CR1: variants seen among roughly 807,000 people sequenced by gnomAD.
The protein encoded by CR1 is complement C3b/C4b receptor 1 (Knops blood group), also known as complement receptor type 1.
CR1 carries 116 observed loss-of-function variants against 187.3 expected under a neutral mutation model. The ratio of observed to expected loss-of-function variants is 0.62; its 90% CI spans 0.53 to 0.72. The LOEUF (loss-of-function observed/expected upper bound fraction) is 0.72. CR1 is among the 30% of genes least tolerant of loss of function. CR1 has a pLI of 0.00. For missense variants in CR1, 1,731 were observed against 2,110.7 expected (o/e 0.82, Z 3.52); for synonymous variants, 576 against 747.1 (o/e 0.77, Z 3.73).
In CR1 at chr1:207,609,270, C is replaced by T. The variant is rs1661838499; in HGVS notation, c.5897-20C>T. 2 of 1,541,656 alleles carry T rather than the reference C, an allele frequency of 1.3e-6. No individual in the cohort carries two copies. The highest frequency in any genetic ancestry group is 2.3e-5 in the East Asian group (1 of 43,286). On this transcript the variant is annotated intron_variant, in intron 36 of 46. Transcript: ENST00000367049. The stretch of plus-strand genomic sequence containing the variant: ...ATTATTAAAAAATAAGCTGTTTTAC[C>T]ATACTCTTCCTTCTCTCAGTCATAT...
At chr1:207,610,887 G>A (rs1661907292) in intron 37 of CR1, among the ~76,000 whole-genome samples, 1 of 152,018 alleles carries the variant, frequency 6.6e-6, no homozygotes, top group African/African-American at 2.4e-5. Flanking sequence ...AAATAATCAT[G>A]GAGAATGAGG....
chr1:207,621,809 G>A (rs1029137066), intron 43 of CR1, among the ~76,000 whole-genome samples, 164 bp from the exon 44 acceptor site: 6 of 152,126 alleles, frequency 3.9e-5, no homozygotes, highest in African/African-American at 1.4e-4. Flanking sequence ...GAGTGCAGAA[G>A]GTAAAATGAG....
intron 35 of CR1, among the ~76,000 whole-genome samples, chr1:207,603,949 GA>G (rs1661678138): frequency 6.6e-6 from 1 of 152,160 alleles, no homozygotes; most frequent in African/African-American, 2.4e-5. Flanking sequence ...AGATTTGAGT[GA>G]AAGGCTATGC....
intron 45 of CR1, among the ~76,000 whole-genome samples, chr1:207,629,879 T>C (rs1261424998): frequency 2.6e-5 from 4 of 152,220 alleles, no homozygotes; most frequent in Non-Finnish European, 5.9e-5. Context: ...CCTCAGTAAA[T>C]TTCATTTTCC....
chr1:207,564,083 T>A, intron 22 of CR1, 43 bp downstream of exon 22: 1 of 1,532,634 alleles, frequency 6.5e-7, no homozygotes, highest in East Asian at 2.3e-5. Flanking sequence ...AGCTTGCGTC[T>A]TTATTCTCCA....
intron 43 of CR1, among the ~76,000 whole-genome samples, chr1:207,620,748 G>A (rs1326258934): frequency 6.6e-6 from 1 of 152,070 alleles, no homozygotes; most frequent in Non-Finnish European, 1.5e-5. Flanking sequence ...TTATCAGCTT[G>A]ACACTCCCTT....
chr1:207,615,709 A>G (rs1662072189), intron 40 of CR1, among the ~76,000 whole-genome samples: 1 of 152,202 alleles, frequency 6.6e-6, no homozygotes, highest in Non-Finnish European at 1.5e-5. Flanking sequence ...TATGGTGAGT[A>G]TTATGGTGAA....
chr1:207,601,340 A>G (rs1661599465), intron 35 of CR1, among the ~76,000 whole-genome samples: 1 of 152,184 alleles, frequency 6.6e-6, no homozygotes, highest in Non-Finnish European at 1.5e-5. Context: ...CAGAAGAAAA[A>G]TACAATTTAC....
intron 1 of CR1, among the ~76,000 whole-genome samples, chr1:207,498,806 A>G (rs1659169224): frequency 7.6e-6 from 1 of 131,928 alleles, no homozygotes. Flanking sequence ...TGAACCTGGG[A>G]GGCGGAGGTT....
In CR1 at chr1:207,609,476, G is replaced by T; in HGVS notation, c.6083G>T (p.Trp2028Leu). ...AGCAAAGATGATCAAGTTGGTGTTT[G>T]GAGCAGCCCTCCCCCTCGGTGTATT... ...CTSKDDQVGVWSSPPPRCIST... is the reference protein window; with the variant it reads ...CTSKDDQVGVLSSPPPRCIST... Residue 2028 changes from tryptophan (W) to leucine (L), a missense_variant, in exon 37 of 47, where the codon TGG becomes TTG. By Grantham distance (61) the Trp-to-Leu change is moderately conservative. This residue lies in a region of CR1 where 1,312 missense variants were observed against 1,379.6 expected (regional missense o/e 0.95). Coordinates refer to ENST00000367049, the MANE Select transcript of CR1 (RefSeq NM_000651.6). The T allele has an allele frequency of 6.2e-7, 1 of 1,614,010 alleles. No homozygotes were observed. The highest frequency in any genetic ancestry group is 8.5e-7 in the Non-Finnish European group (1 of 1,179,886).
In CR1 at chr1:207,496,379, G is replaced by T; in HGVS notation, c.112G>T (p.Val38Leu). 6.2e-7 allele frequency: 1 copy of T among 1,609,980 alleles called. No individual in the cohort carries two copies. The highest frequency in any genetic ancestry group is 8.5e-7 in the Non-Finnish European group (1 of 1,178,620). ...LAVVVLLALP[V>L]AWGQCNAPEW... ...GGTTGTGGTGCTGCTTGCGCTGCCGGTGGCCTGGGGTGAGAGGCGGGCGGG... is the reference window on the plus strand; with the variant it reads ...GGTTGTGGTGCTGCTTGCGCTGCCGTTGGCCTGGGGTGAGAGGCGGGCGGG... Residue 38 changes from valine to leucine, a missense_variant, in exon 1 of 47, where the codon GTG (valine) becomes TTG (leucine). Physicochemically the swap from Val to Leu is conservative, Grantham distance 32 (BLOSUM62 1). This residue lies in a region of CR1 where 237 missense variants were observed against 240.4 expected (regional missense o/e 0.99). Transcript: ENST00000367049.
chr1:207,609,847 A>G (rs1296736785), intron 37 of CR1, among the ~76,000 whole-genome samples, 159 bp downstream of exon 37: 1 of 152,222 alleles, frequency 6.6e-6, no homozygotes, highest in Non-Finnish European at 1.5e-5. Context: ...TCTCAAAGTA[A>G]TGGCTTATTC....
intron 46 of CR1, among the ~76,000 whole-genome samples, chr1:207,634,561 T>C (rs1166414240): frequency 2.0e-5 from 3 of 151,946 alleles, no homozygotes; most frequent in Non-Finnish European, 4.4e-5. Context: ...TGCTGGGAAG[T>C]CCTGTGAAAT....
At chr1:207,514,071 C>T (rs78608133) in intron 4 of CR1, among the ~76,000 whole-genome samples, 2,337 of 152,082 alleles carry the variant, frequency 0.015, 69 homozygotes, top group African/African-American at 0.054. Context: ...ACTTTAGTTA[C>T]ATATATTGAT....
intron 35 of CR1, among the ~76,000 whole-genome samples, chr1:207,604,093 T>C (rs753007470): frequency 6.6e-6 from 1 of 152,176 alleles, no homozygotes; most frequent in Non-Finnish European, 1.5e-5. Context: ...AATTTGCCAA[T>C]CTAATGGGCA....
intron 37 of CR1, among the ~76,000 whole-genome samples, chr1:207,611,127 T>A (rs568577052): frequency 5.9e-5 from 9 of 152,106 alleles, no homozygotes; most frequent in Non-Finnish European, 1.0e-4. Context: ...CCTCCTCTTT[T>A]CTTAGCTGAA....
intron 44 of CR1, among the ~76,000 whole-genome samples, chr1:207,622,255 A>T (rs1662336385): frequency 6.6e-6 from 1 of 152,220 alleles, no homozygotes; most frequent in Admixed American, 6.5e-5. Context: ...CAAATGAATA[A>T]TCATTCATCA....
At chr1:207,579,692 C>T (rs1660877428) in intron 29 of CR1, among the ~76,000 whole-genome samples, 1 of 152,176 alleles carries the variant, frequency 6.6e-6, no homozygotes, top group Non-Finnish European at 1.5e-5. Context: ...AGTATAAACA[C>T]AGTTGCCTGC....
chr1:207,564,079 C>T (rs550359669), intron 22 of CR1, 39 bp downstream of exon 22: 18 of 1,524,512 alleles, frequency 1.2e-5, no homozygotes, highest in Admixed American at 3.7e-5. Context: ...TTTTAGCTTG[C>T]GTCTTTATTC....
Sources: gnomAD v4.1 joint callset for allele counts (sites outside exome capture counted in the v4.1 genomes callset) on GRCh38, gnomAD v4.1.1 for gene constraint, gnomAD v4.1.1 regional missense constraint, MANE v1.5 for transcripts, NCBI Gene and HGNC (gene_info 2026-07-23, HGNC 2026-07-21) for gene names.